The following SLC27A6 variants were observed in gnomAD, a reference collection of about 807,000 sequenced individuals.
The protein encoded by SLC27A6 is solute carrier family 27 member 6, also known as long-chain fatty acid transport protein 6.
A neutral mutation model predicts 63.9 loss-of-function variants in SLC27A6; 74 were observed. The ratio of observed to expected loss-of-function variants is 1.16; its 90% CI spans 0.96 to 1.40. SLC27A6 has a LOEUF of 1.40. Among genes scored for constraint, SLC27A6 ranks in the 40% most tolerant of loss-of-function variants. SLC27A6 has a pLI of 0.00. For synonymous variants in SLC27A6, 287 were observed against 260.8 expected, an observed-to-expected ratio of 1.10 and a Z score of -0.97; for missense variants, 794 against 732.9, an observed-to-expected ratio of 1.08 and a Z score of -0.96.
chr5:128,988,866 ATAT>A (rs1750880202), intron 3 of SLC27A6, 108 bp downstream of exon 3: 2 of 737,176 alleles, frequency 2.7e-6, no homozygotes, highest in Non-Finnish European at 2.2e-6. Flanking sequence ...GATTATATGC[ATAT>A]TATTTTATTA....
chr5:128,970,821 G>A (rs1482866298), intron 1 of SLC27A6, among the ~76,000 whole-genome samples: 1 of 141,784 alleles, frequency 7.1e-6, no homozygotes, highest in Non-Finnish European at 1.6e-5. Context: ...TTTTTCTCTT[G>A]CTTCTCTAGT....
chr5:128,995,161 G>A (rs1340096019), intron 4 of SLC27A6, among the ~76,000 whole-genome samples: 1 of 152,106 alleles, frequency 6.6e-6, no homozygotes, highest in Non-Finnish European at 1.5e-5. Context: ...CTTTAATATT[G>A]ATTGGTGAGG....
chr5:128,985,215 A>G lies in SLC27A6; in HGVS notation c.564A>G (p.Gln188=), dbSNP rs1314163866. 2 of 1,613,940 alleles carry G rather than the reference A, an allele frequency of 1.2e-6. No individual in the cohort carries two copies. The highest frequency in any genetic ancestry group is 8.5e-7 in the Non-Finnish European group (1 of 1,179,868). ...SVWGMKDSVP[Q]GVISLKEKLS... is the part of the protein sequence containing the mutation. Reference sequence around the variant, plus strand: ...GGGGGATGAAAGATTCTGTTCCACAAGGTGTAATTTCACTCAAAGAAAAAC... The same window carrying G: ...GGGGGATGAAAGATTCTGTTCCACAGGGTGTAATTTCACTCAAAGAAAAAC... Residue 188 remains glutamine, a synonymous_variant, in exon 2 of 10, where the codon CAA becomes CAG. Coordinates refer to ENST00000262462, the MANE Select transcript of SLC27A6 (RefSeq NM_001017372.3).
At chr5:128,990,197 G>A (rs2150136468) in intron 3 of SLC27A6, 143 bp from the exon 4 acceptor site, 2 of 757,012 alleles carry the variant, frequency 2.6e-6, no homozygotes, top group African/African-American at 1.8e-5. Context: ...TTCCAAATGA[G>A]TTTGATATAA....
At chr5:129,027,767 C>T (rs542403735) in intron 7 of SLC27A6, among the ~76,000 whole-genome samples, 17 of 152,220 alleles carry the variant, frequency 1.1e-4, no homozygotes, top group Admixed American at 2.0e-4. Context: ...CTTTACTAGT[C>T]CAATGACTTG....
At chr5:129,031,662 G>A (rs765549603) in intron 9 of SLC27A6, among the ~76,000 whole-genome samples, 5 of 151,802 alleles carry the variant, frequency 3.3e-5, no homozygotes, top group Non-Finnish European at 7.4e-5. Context: ...AAAAGTTCAT[G>A]AATAAGGGCA....
At chr5:129,007,031 A>G (rs1440281872) in intron 4 of SLC27A6, among the ~76,000 whole-genome samples, 1 of 152,224 alleles carries the variant, frequency 6.6e-6, no homozygotes, top group Non-Finnish European at 1.5e-5. Flanking sequence ...TAATAGGTAA[A>G]TGTAAAGAGA....
intron 4 of SLC27A6, among the ~76,000 whole-genome samples, chr5:129,008,517 G>A (rs1315060587): frequency 6.6e-6 from 1 of 152,174 alleles, no homozygotes; most frequent in South Asian, 2.1e-4. Context: ...AAGCTTCCAA[G>A]CATTATACCA....
intron 4 of SLC27A6, among the ~76,000 whole-genome samples, chr5:129,002,475 T>TCCTTCCCTCTCTTGTC (rs1455920357): frequency 3.2e-5 from 3 of 94,492 alleles, no homozygotes; most frequent in Non-Finnish European, 6.1e-5. Flanking sequence ...CCTCTCTTGT[T>TCCTTCCCTCTCTTGTC]CCTTCCCTCT....
At chr5:129,021,424 T>C (rs1434297605) in intron 5 of SLC27A6, among the ~76,000 whole-genome samples, 1 of 152,178 alleles carries the variant, frequency 6.6e-6, no homozygotes, top group Non-Finnish European at 1.5e-5. Context: ...TAACTTTGCG[T>C]TCCTTTTCCA....
chr5:129,027,463 A>T (rs1281248728), intron 7 of SLC27A6, 132 bp downstream of exon 7: 8 of 667,256 alleles, frequency 1.2e-5, no homozygotes, highest in Non-Finnish European at 2.1e-5. Flanking sequence ...TCCTCATTAA[A>T]ACATTTATTG....
At chr5:129,014,251 C>G (rs1016054818) in intron 4 of SLC27A6, among the ~76,000 whole-genome samples, 1 of 152,070 alleles carries the variant, frequency 6.6e-6, no homozygotes, top group Non-Finnish European at 1.5e-5. Flanking sequence ...CAAAAAATTG[C>G]AATTCGGGAC....
chr5:129,021,141 C>T (rs1752061825), intron 5 of SLC27A6, among the ~76,000 whole-genome samples: 1 of 149,530 alleles, frequency 6.7e-6, no homozygotes, highest in Admixed American at 6.8e-5. Flanking sequence ...TGTTCATGTG[C>T]CTCAGAGACC....
intron 4 of SLC27A6, among the ~76,000 whole-genome samples, chr5:129,008,070 T>G (rs1006839662): frequency 4.6e-5 from 7 of 152,048 alleles, no homozygotes; most frequent in African/African-American, 7.2e-5. Flanking sequence ...TTATTTCATT[T>G]TTTATTTTTC....
chr5:128,977,292 C>A (rs1160363380), intron 1 of SLC27A6, among the ~76,000 whole-genome samples: 1 of 152,172 alleles, frequency 6.6e-6, no homozygotes, highest in East Asian at 1.9e-4. Context: ...AGTTTACAAC[C>A]TAGTTCTTGA....
At chr5:128,998,465 G>A (rs963986899) in intron 4 of SLC27A6, among the ~76,000 whole-genome samples, 2 of 151,748 alleles carry the variant, frequency 1.3e-5, no homozygotes, top group Non-Finnish European at 2.9e-5. Flanking sequence ...ACATAATACT[G>A]ATTGTAAAAT....
intron 4 of SLC27A6, among the ~76,000 whole-genome samples, chr5:129,006,995 G>C (rs928449769): frequency 6.6e-6 from 1 of 151,898 alleles, no homozygotes. Context: ...TTATATCCTT[G>C]TCATAAAGTT....
Position 129,023,604 on chromosome 5 carries a change from AT to A in SLC27A6, c.1165-5del, listed in dbSNP as rs550659921. 8.4e-3 allele frequency: 10,558 copies of A among 1,263,756 alleles called. No individual in the cohort carries two copies. The highest frequency in any genetic ancestry group is 9.3e-3 in the Non-Finnish European group (8,497 of 917,230). The allele number at this position is 1,263,756 out of a possible 1,614,324, so 78.3% of individuals were successfully genotyped here. A position where few individuals can be genotyped will look rare whatever the true frequency, so the allele number is the denominator to read the frequency against. ...CTAAATGCTTGTTTCTATTTGTTTGATTTTTTTTTTTGCAGCTTCTTTCCAC... is the reference window on the plus strand; with the variant it reads ...CTAAATGCTTGTTTCTATTTGTTTGATTTTTTTTTTGCAGCTTCTTTCCAC... On this transcript the variant is annotated splice_polypyrimidine_tract_variant and intron_variant, in intron 5 of 9. Transcript: ENST00000262462.
intron 4 of SLC27A6, among the ~76,000 whole-genome samples, chr5:129,012,439 C>T (rs1004492011): frequency 6.6e-5 from 10 of 152,044 alleles, no homozygotes; most frequent in African/African-American, 1.7e-4. Context: ...AATGTGTACT[C>T]TTCAGTACCT....
Sources: gnomAD v4.1 joint callset for allele counts (sites outside exome capture counted in the v4.1 genomes callset) on GRCh38, gnomAD v4.1.1 for gene constraint, MANE v1.5 for transcripts, NCBI Gene and HGNC (gene_info 2026-07-23, HGNC 2026-07-21) for gene names.